MSRA: variants seen among roughly 807,000 people sequenced by gnomAD.
MSRA encodes the protein methionine sulfoxide reductase A, also known as mitochondrial peptide methionine sulfoxide reductase.
Under a neutral mutation model 31.3 loss-of-function variants are expected in MSRA, and 54 were observed. The ratio of observed to expected loss-of-function variants is 1.73; its 90% CI spans 1.39 to 2.17. MSRA has a LOEUF of 2.17. MSRA is among the 30% of genes most tolerant of loss of function. The pLI, the probability that MSRA is intolerant of heterozygous loss-of-function variation, is 0.00. For missense variants in MSRA, 507 were observed against 300.9 expected, an observed-to-expected ratio of 1.69 and a Z score of -5.07; for synonymous variants, 169 against 116.5, an observed-to-expected ratio of 1.45 and a Z score of -2.90.
At chr8:10,419,271 G>A (rs905480431) in intron 5 of MSRA, among the ~76,000 whole-genome samples, 5 of 152,126 alleles carry the variant, frequency 3.3e-5, no homozygotes, top group Non-Finnish European at 7.4e-5. Context: ...CCCAAATTCC[G>A]GGAACAGCAT....
chr8:10,310,737 G>T (rs1383858475), intron 4 of MSRA, among the ~76,000 whole-genome samples: 1 of 152,180 alleles, frequency 6.6e-6, no homozygotes, highest in African/African-American at 2.4e-5. Flanking sequence ...GGTGGAATTC[G>T]GACTTCAGGG....
At chr8:10,385,812 T>TGGGGG (rs112720423) in intron 5 of MSRA, among the ~76,000 whole-genome samples, 4 of 145,766 alleles carry the variant, frequency 2.7e-5, no homozygotes, top group Non-Finnish European at 3.0e-5. Context: ...TGGTGGGGGG[T>TGGGGG]GGGGTGTCTT....
intron 1 of MSRA, among the ~76,000 whole-genome samples, chr8:10,190,442 T>G (rs1185735776): frequency 2.0e-5 from 3 of 152,210 alleles, no homozygotes; most frequent in Non-Finnish European, 4.4e-5. Flanking sequence ...ATGCTGCTAG[T>G]TCCTGACAAT....
chr8:10,379,303 C>T (rs1193469436), intron 5 of MSRA, among the ~76,000 whole-genome samples: 3 of 150,856 alleles, frequency 2.0e-5, no homozygotes, highest in African/African-American at 7.3e-5. Context: ...GATTGCTTAA[C>T]GAAGAAAAAA....
chr8:10,077,681 C>G (rs1228605573), intron 1 of MSRA, among the ~76,000 whole-genome samples: 1 of 151,952 alleles, frequency 6.6e-6, no homozygotes, highest in African/African-American at 2.4e-5. Context: ...GCCTCCCTCA[C>G]TCTTCCCTCC....
chr8:10,061,574 A>AC (rs1361847740), intron 1 of MSRA, among the ~76,000 whole-genome samples: 6 of 152,062 alleles, frequency 3.9e-5, no homozygotes, highest in Non-Finnish European at 7.4e-5. Context: ...ACAGCACTTC[A>AC]CCAAGAGTGC....
chr8:10,330,521 T>G (rs1585492210), intron 5 of MSRA, among the ~76,000 whole-genome samples: 1 of 152,318 alleles, frequency 6.6e-6, no homozygotes, highest in East Asian at 1.9e-4. Flanking sequence ...TTATCAAATA[T>G]TAATTATGTA....
intron 1 of MSRA, among the ~76,000 whole-genome samples, chr8:10,056,331 C>T (rs952139694): frequency 2.4e-4 from 36 of 151,876 alleles, no homozygotes; most frequent in African/African-American, 8.5e-4. Context: ...AATCAGTTTC[C>T]TAATATGTAA....
intron 5 of MSRA, among the ~76,000 whole-genome samples, chr8:10,403,216 T>C (rs548356026): frequency 6.6e-6 from 1 of 152,162 alleles, no homozygotes; most frequent in Non-Finnish European, 1.5e-5. Context: ...CACCTGAGAC[T>C]AACGAAACAG....
chr8:10,176,545 A>C (rs1220791604), intron 1 of MSRA, among the ~76,000 whole-genome samples: 1 of 152,226 alleles, frequency 6.6e-6, no homozygotes, highest in Non-Finnish European at 1.5e-5. Flanking sequence ...CTGAATGCTC[A>C]CACTTGTGTA....
intron 5 of MSRA, among the ~76,000 whole-genome samples, chr8:10,347,763 T>C (rs1392033623): frequency 6.6e-6 from 1 of 152,246 alleles, no homozygotes; most frequent in African/African-American, 2.4e-5. Context: ...CATTACTCCT[T>C]GCCACACACT....
chr8:10,313,464 A>C (rs900387285), intron 4 of MSRA, among the ~76,000 whole-genome samples: 2 of 151,712 alleles, frequency 1.3e-5, no homozygotes, highest in Non-Finnish European at 2.9e-5. Context: ...CTACCAAAAA[A>C]TCTAAAAAAA....
At chr8:10,226,632 A>T (rs1352151111) in intron 2 of MSRA, among the ~76,000 whole-genome samples, 9 of 152,274 alleles carry the variant, frequency 5.9e-5, no homozygotes, top group Admixed American at 5.9e-4. Context: ...CACATTTAGG[A>T]AATAGAAAAT....
chr8:10,131,423 A>G (rs1009405254), intron 1 of MSRA, among the ~76,000 whole-genome samples: 10 of 152,388 alleles, frequency 6.6e-5, no homozygotes, highest in African/African-American at 2.4e-4. Flanking sequence ...GCTTTCAGGA[A>G]GAAAAGAAGA....
chr8:10,198,723 A>G (rs1808213938), intron 1 of MSRA, among the ~76,000 whole-genome samples: 1 of 152,190 alleles, frequency 6.6e-6, no homozygotes, highest in East Asian at 1.9e-4. Flanking sequence ...TACTGGGCTC[A>G]AATGTTTCTC....
At chr8:10,063,216 C>T (rs1285856848) in intron 1 of MSRA, among the ~76,000 whole-genome samples, 1 of 152,204 alleles carries the variant, frequency 6.6e-6, no homozygotes, top group Non-Finnish European at 1.5e-5. Flanking sequence ...AGCCTTACCT[C>T]TACATTTGAG....
intron 2 of MSRA, among the ~76,000 whole-genome samples, chr8:10,223,835 C>T (rs551674347): frequency 8.5e-5 from 13 of 152,196 alleles, no homozygotes; most frequent in Non-Finnish European, 1.8e-4. Flanking sequence ...GGGTATAAAA[C>T]GTGAAGACCC....
chr8:10,411,395 C>G (rs908570806), intron 5 of MSRA: 6 of 152,170 alleles, frequency 3.9e-5, no homozygotes, highest in Non-Finnish European at 5.9e-5. Context: ...CCATGTGGAG[C>G]TGGGAGCTAA....
chr8:10,092,084 T>TA (rs1798887371), intron 1 of MSRA, among the ~76,000 whole-genome samples: 1 of 152,012 alleles, frequency 6.6e-6, no homozygotes, highest in African/African-American at 2.4e-5. Flanking sequence ...AAAGGGTCTG[T>TA]AGTACTCTTG....
Sources: allele counts gnomAD v4.1 joint callset (sites outside exome capture counted in the v4.1 genomes callset), GRCh38; gene constraint gnomAD v4.1.1; transcripts MANE v1.5; gene names NCBI Gene and HGNC (gene_info 2026-07-23, HGNC 2026-07-21).